Variants in AXIN1 observed in about 807,000 individuals in gnomAD.
AXIN1 encodes the protein axin 1.
Under a neutral mutation model 76.4 loss-of-function variants are expected in AXIN1, and 30 were observed. The ratio of observed to expected loss-of-function variants is 0.39; its 90% CI spans 0.29 to 0.53. AXIN1 has a LOEUF of 0.53. Among genes scored for constraint, AXIN1 ranks in the 20% least tolerant of loss-of-function variants. The pLI is 0.66. For synonymous variants in AXIN1, 545 were observed against 501.4 expected (o/e 1.09, Z -1.16); for missense variants, 1,140 against 1,198.8 (o/e 0.95, Z 0.72).
In AXIN1 at chr16:352,372, C is replaced by T. The variant is rs2054164446; in HGVS notation, c.-85G>A. On this transcript the variant is annotated 5_prime_UTR_variant, in exon 1 of 11. Transcript: ENST00000262320. ...CCCGGAGCCCGGCCCTACTCACCCG[C>T]GCGCGGTGGTGGCGGGACCCCGGGC... The T allele has an allele frequency of 5.1e-6, 5 of 979,928 alleles. 1 individual carries two copies. The African/African-American group carries it at 7.1e-5, about 14-fold the overall frequency. The allele number at this position is 979,928 out of a possible 1,614,324, so 60.7% of individuals were successfully genotyped here.
chr16:328,786 G>A (rs759480883), intron 2 of AXIN1, among the ~76,000 whole-genome samples: 11 of 152,204 alleles, frequency 7.2e-5, no homozygotes, highest in African/African-American at 1.7e-4. Context: ...ACATGGCAAC[G>A]GGTGCTACAG....
rs2141511288 is a variant in AXIN1, at chr16:297,906, G to T, written c.1600C>A (p.His534Asn). The change falls in exon 6 of 11, where the codon CAC (histidine) becomes AAC (asparagine). Residue 534 changes from histidine to asparagine, a missense_variant. His to Asn is a moderately conservative substitution (Grantham distance 68). Transcript: ENST00000262320. ...LDAAGLHHHR[H>N]VHHHVHHSTA... ...CTGTGGTGGACGTGGTGGTGGACGT[G>T]TCGGTGGTGGTGCAGGCCGGCCGCG... The T allele has an allele frequency of 6.3e-7, 1 of 1,596,092 alleles. No individual in the cohort carries two copies.
chr16:300,408 C>T (rs2052839084), intron 5 of AXIN1, among the ~76,000 whole-genome samples: 1 of 151,876 alleles, frequency 6.6e-6, no homozygotes, highest in Non-Finnish European at 1.5e-5. Flanking sequence ...CTATGTTGTC[C>T]AACCTGCTCT....
chr16:296,162 T>C (rs988674622), intron 7 of AXIN1, among the ~76,000 whole-genome samples: 2 of 152,198 alleles, frequency 1.3e-5, no homozygotes, highest in African/African-American at 4.8e-5. Context: ...AGAAAAACGA[T>C]GAGCCCGTCC....
At chr16:348,914 C>T (rs532019674) in intron 1 of AXIN1, among the ~76,000 whole-genome samples, 2 of 151,768 alleles carry the variant, frequency 1.3e-5, no homozygotes, top group East Asian at 3.9e-4. Context: ...CTGGCTAACA[C>T]GGTGAAACCC....
At chr16:343,574 A>G (rs1031640641) in intron 2 of AXIN1, among the ~76,000 whole-genome samples, 1 of 150,894 alleles carries the variant, frequency 6.6e-6, no homozygotes, top group Non-Finnish European at 1.5e-5. Context: ...ATGGTAGCTC[A>G]CACTTGTAAT....
chr16:331,778 T>C (rs1424312981), intron 2 of AXIN1, among the ~76,000 whole-genome samples: 1 of 152,216 alleles, frequency 6.6e-6, no homozygotes, highest in Admixed American at 6.5e-5. Context: ...GCTAATGGAA[T>C]TTCCAAGCAA....
intron 10 of AXIN1, among the ~76,000 whole-genome samples, chr16:289,125 G>A (rs1401919512): frequency 1.3e-5 from 2 of 149,606 alleles, no homozygotes; most frequent in Non-Finnish European, 3.0e-5. Flanking sequence ...GTCTCGCTCT[G>A]TCACCCAGGC....
chr16:305,646 C>T (rs2053000906), intron 4 of AXIN1, among the ~76,000 whole-genome samples: 2 of 152,164 alleles, frequency 1.3e-5, no homozygotes, highest in South Asian at 2.1e-4. Context: ...CGGGTTCACG[C>T]CATTCTCCTG....
intron 2 of AXIN1, among the ~76,000 whole-genome samples, chr16:326,025 C>G (rs202185288): frequency 6.6e-6 from 1 of 151,936 alleles, no homozygotes; most frequent in South Asian, 2.1e-4. Flanking sequence ...TGACAACTGG[C>G]CCCCATTCAT....
rs2052414967 is a variant in AXIN1 at position 287,579 on chromosome 16, G to C, written c.*543C>G. ...CTGAGAAATGTACATATTTACACGGGCCCTCAGAAAGGAGGACCCAGGACT... is the reference window on the plus strand; with the variant it reads ...CTGAGAAATGTACATATTTACACGGCCCCTCAGAAAGGAGGACCCAGGACT... On this transcript the variant is annotated 3_prime_UTR_variant, in exon 11 of 11. Coordinates refer to ENST00000262320, the MANE Select transcript of AXIN1 (RefSeq NM_003502.4). 1 of 309,108 alleles carries C rather than the reference G, an allele frequency of 3.2e-6. No homozygotes were observed. The allele number at this position is 309,108 out of a possible 1,614,324, so 19.1% of individuals were successfully genotyped here.
At chr16:341,678 G>C (rs1192983617) in intron 2 of AXIN1, among the ~76,000 whole-genome samples, 1 of 150,396 alleles carries the variant, frequency 6.6e-6, no homozygotes, top group Admixed American at 6.6e-5. Flanking sequence ...CCCGGTGCGG[G>C]ATCCACTGGG....
intron 1 of AXIN1, among the ~76,000 whole-genome samples, chr16:350,028 A>G (rs1250411691): frequency 1.3e-5 from 2 of 152,154 alleles, no homozygotes; most frequent in African/African-American, 4.8e-5. Flanking sequence ...AGCTCAAAGC[A>G]ATCCACCCGC....
At position 289,785 on chromosome 16, in the gene AXIN1, G is replaced by T. The variant is rs1036912977; in HGVS notation, c.2295-178C>A. 16 of 758,034 alleles carry T rather than the reference G, an allele frequency of 2.1e-5. 1 individual carries two copies. The highest frequency in any genetic ancestry group is 3.4e-5 in the South Asian group (2 of 58,320). The allele number at this position is 758,034 out of a possible 1,614,324, so 47.0% of individuals were successfully genotyped here. A position where few individuals can be genotyped will look rare whatever the true frequency, so the allele number is the denominator to read the frequency against. ...AGCATCTCAATCTGGGATCTAGTCC[G>T]CTAGCAGTGGAGTCGGCTCCGCTCA... On this transcript the variant is annotated intron_variant, in intron 9 of 10. Transcript: ENST00000262320.
intron 9 of AXIN1, chr16:290,775 C>A (rs1055101255): frequency 2.3e-5 from 8 of 355,332 alleles, no homozygotes; most frequent in African/African-American, 1.5e-4. Context: ...GAGACCCACA[C>A]TGCAAGCAGA....
At chr16:298,375 C>T (rs1179040959) in intron 5 of AXIN1, 124 bp from the exon 6 acceptor site, 3 of 1,203,652 alleles carry the variant, frequency 2.5e-6, no homozygotes, top group East Asian at 2.5e-5. Flanking sequence ...TGGCCGGGGG[C>T]CCCTCGCCAC....
At chr16:318,388 G>T (rs1469393663) in intron 2 of AXIN1, among the ~76,000 whole-genome samples, 1 of 152,224 alleles carries the variant, frequency 6.6e-6, no homozygotes, top group African/African-American at 2.4e-5. Context: ...GCGGGAGAAG[G>T]CGGCTGGGAG....
intron 9 of AXIN1, 162 bp from the exon 10 acceptor site, chr16:289,769 A>C: frequency 7.3e-6 from 6 of 825,198 alleles, no homozygotes; most frequent in Non-Finnish European, 1.1e-5. Context: ...CAGCATCTCA[A>C]TCTGGGATCT....
chr16:344,206 G>T (rs896700917), intron 2 of AXIN1, among the ~76,000 whole-genome samples: 2 of 151,968 alleles, frequency 1.3e-5, no homozygotes, highest in African/African-American at 4.8e-5. Context: ...ACTGAGGCAG[G>T]CGATCACGAG....
Sources: gnomAD v4.1 joint callset for allele counts (sites outside exome capture counted in the v4.1 genomes callset) on GRCh38, gnomAD v4.1.1 for gene constraint, MANE v1.5 for transcripts, NCBI Gene and HGNC (gene_info 2026-07-23, HGNC 2026-07-21) for gene names.